The following MTMR3 variants were observed in gnomAD, a reference collection of about 807,000 sequenced individuals.
The protein encoded by MTMR3 is phosphatidylinositol-3,5-bisphosphate 3-phosphatase MTMR3.
Under a neutral mutation model 132.4 loss-of-function variants are expected in MTMR3, and 32 were observed. The ratio of observed to expected loss-of-function variants is 0.24; its 90% CI spans 0.18 to 0.32. MTMR3 has a LOEUF of 0.32. Among genes scored for constraint, MTMR3 ranks in the 10% least tolerant of loss-of-function variants. The pLI, the probability that MTMR3 is intolerant of heterozygous loss-of-function variation, is 1.00. For missense variants in MTMR3, 1,216 were observed against 1,489.6 expected, an observed-to-expected ratio of 0.82 and a Z score of 3.02; for synonymous variants, 556 against 550.3, an observed-to-expected ratio of 1.01 and a Z score of -0.14.
At chr22:29,928,406 A>G (rs1418559359) in intron 1 of MTMR3, among the ~76,000 whole-genome samples, 1 of 152,000 alleles carries the variant, frequency 6.6e-6, no homozygotes, top group Non-Finnish European at 1.5e-5. Flanking sequence ...TCCTGACCTC[A>G]GGTGATCCGC....
At chr22:29,948,295 G>A (rs995003519) in intron 1 of MTMR3, among the ~76,000 whole-genome samples, 18 of 152,272 alleles carry the variant, frequency 1.2e-4, no homozygotes, top group Admixed American at 9.8e-4. Context: ...GATTTTTGAT[G>A]TCTGTTATTC....
At chr22:29,915,786 T>C (rs1470832178) in intron 1 of MTMR3, among the ~76,000 whole-genome samples, 2 of 152,206 alleles carry the variant, frequency 1.3e-5, no homozygotes, top group Non-Finnish European at 2.9e-5. Flanking sequence ...AGTATCCATA[T>C]GGTTAGGTTT....
chr22:29,903,101 T>G (rs2145729688), intron 1 of MTMR3, among the ~76,000 whole-genome samples: 1 of 152,280 alleles, frequency 6.6e-6, no homozygotes, highest in South Asian at 2.1e-4. Flanking sequence ...GGCATGTGCC[T>G]TGTAATCCCA....
intron 1 of MTMR3, among the ~76,000 whole-genome samples, chr22:29,894,424 T>C (rs1218927954): frequency 2.0e-5 from 3 of 152,064 alleles, no homozygotes; most frequent in African/African-American, 4.8e-5. Context: ...TTGAGAATTA[T>C]AAAAGACACC....
intron 3 of MTMR3, chr22:29,978,185 TAAG>T: frequency 3.6e-6 from 1 of 276,090 alleles, no homozygotes; most frequent in Non-Finnish European, 7.1e-6. Context: ...AAAAAAGTAT[TAAG>T]AAGCTGTTAG....
intron 1 of MTMR3, among the ~76,000 whole-genome samples, chr22:29,925,124 C>G (rs189733315): frequency 1.3e-5 from 2 of 152,164 alleles, no homozygotes; most frequent in African/African-American, 4.8e-5. Context: ...CTGGCTCCTC[C>G]GAGGCTCAGG....
At chr22:29,934,348 T>A (rs2065707097) in intron 1 of MTMR3, among the ~76,000 whole-genome samples, 1 of 151,966 alleles carries the variant, frequency 6.6e-6, no homozygotes, top group South Asian at 2.1e-4. Flanking sequence ...AGAGAGACTC[T>A]GTCTCAAAGA....
intron 1 of MTMR3, among the ~76,000 whole-genome samples, chr22:29,896,137 C>G (rs1414744979): frequency 6.6e-6 from 1 of 152,066 alleles, no homozygotes; most frequent in Non-Finnish European, 1.5e-5. Flanking sequence ...TGGTGAAACC[C>G]CATGTCTACT....
chr22:29,896,867 TCTCACACACA>T (rs2064907793), intron 1 of MTMR3, among the ~76,000 whole-genome samples: 1 of 36,676 alleles, frequency 2.7e-5, no homozygotes, highest in African/African-American at 6.1e-5. Context: ...AACAGGCTTG[TCTCACACACA>T]CACACACACA....
intron 1 of MTMR3, among the ~76,000 whole-genome samples, chr22:29,944,107 C>G (rs1230528831): frequency 6.6e-6 from 1 of 152,060 alleles, no homozygotes; most frequent in Non-Finnish European, 1.5e-5. Flanking sequence ...GTGTGAGCCA[C>G]TGCATCCGGC....
chr22:29,939,871 A>G (rs1469536181), intron 1 of MTMR3, among the ~76,000 whole-genome samples: 1 of 152,200 alleles, frequency 6.6e-6, no homozygotes, highest in Non-Finnish European at 1.5e-5. Flanking sequence ...AAGAACCATG[A>G]AAGATGACAT....
intron 1 of MTMR3, among the ~76,000 whole-genome samples, chr22:29,892,997 T>C (rs1169015714): frequency 1.3e-5 from 2 of 152,210 alleles, no homozygotes; most frequent in Non-Finnish European, 2.9e-5. Flanking sequence ...GACATCATAT[T>C]TCAAGAGGTA....
At chr22:29,994,260 C>A in intron 7 of MTMR3, 1 of 379,482 alleles carries the variant, frequency 2.6e-6, no homozygotes, top group East Asian at 1.6e-4. Flanking sequence ...TTGATGTTAA[C>A]CTGCCACCAC....
At chr22:29,943,426 G>A (rs904903012) in intron 1 of MTMR3, among the ~76,000 whole-genome samples, 9 of 152,070 alleles carry the variant, frequency 5.9e-5, no homozygotes, top group South Asian at 2.1e-4. Flanking sequence ...ATCTGACCTC[G>A]TGATCCGCCC....
intron 1 of MTMR3, among the ~76,000 whole-genome samples, chr22:29,886,554 T>A (rs1198867500): frequency 1.3e-5 from 2 of 152,190 alleles, no homozygotes; most frequent in Admixed American, 1.3e-4. Flanking sequence ...TAAGGGCCTA[T>A]AGTCTTTGAC....
intron 1 of MTMR3, among the ~76,000 whole-genome samples, chr22:29,909,328 T>C (rs2065163270): frequency 6.6e-6 from 1 of 152,112 alleles, no homozygotes; most frequent in Non-Finnish European, 1.5e-5. Flanking sequence ...GAGAAAAAAA[T>C]TAGTTTCTTA....
chr22:29,915,936 G>T (rs1243134824), intron 1 of MTMR3, among the ~76,000 whole-genome samples: 1 of 151,588 alleles, frequency 6.6e-6, no homozygotes, highest in Non-Finnish European at 1.5e-5. Flanking sequence ...TTTCTCTGTG[G>T]CTGCTCTATA....
At chr22:30,008,336 G>T in intron 11 of MTMR3, 1 of 245,856 alleles carries the variant, frequency 4.1e-6, no homozygotes, top group South Asian at 6.8e-5. Flanking sequence ...GCTTTAGTGG[G>T]CTCAATTTCT....
chr22:29,951,020 A>G (rs965511495), intron 1 of MTMR3, among the ~76,000 whole-genome samples: 1 of 152,090 alleles, frequency 6.6e-6, no homozygotes, highest in African/African-American at 2.4e-5. Context: ...GCGTGGTGGC[A>G]TGAGCTTGTA....
Sources: allele counts gnomAD v4.1 joint callset (sites outside exome capture counted in the v4.1 genomes callset), GRCh38; gene constraint gnomAD v4.1.1; transcripts MANE v1.5; gene names NCBI Gene and HGNC (gene_info 2026-07-23, HGNC 2026-07-21).